Variants in PCDHGA9 observed in about 807,000 individuals in gnomAD.
The protein encoded by PCDHGA9 is protocadherin gamma subfamily A, 9, also known as protocadherin gamma-A9.
In PCDHGA9, 37 loss-of-function variants were observed where a neutral mutation model predicts 62.5. The observed-to-expected ratio is 0.59, with a 90% CI of 0.46 to 0.78. The LOEUF (loss-of-function observed/expected upper bound fraction) is 0.78. PCDHGA9 is among the 30% of genes least tolerant of loss of function. The pLI is 0.00. For synonymous variants in PCDHGA9, 459 were observed against 484.6 expected (o/e 0.95, Z 0.69); for missense variants, 1,138 against 1,166.2 (o/e 0.98, Z 0.35).
At chr5:141,410,445 T>A in intron 1 of PCDHGA9, 1 of 1,614,060 alleles carries the variant, frequency 6.2e-7, no homozygotes. Flanking sequence ...GAGGGGACTT[T>A]GCCTTATTCT....
rs373882091 is a variant in PCDHGA9 at position 141,432,369 on chromosome 5, A to T, written c.2424+26993A>T. 1.2e-6 allele frequency: 2 copies of T among 1,614,104 alleles called. No homozygotes were observed. Among genetic ancestry groups the T allele is most frequent in the African/African-American group, 2.7e-5 (2 of 74,938 alleles). On this transcript the variant is annotated intron_variant, in intron 1 of 3. Transcript: ENST00000573521. The surrounding 1 kb of genome is among the most constrained non-coding windows in gnomAD (Gnocchi z 6.0). Reference sequence around the variant, plus strand: ...CAAGTGAAAGTGATGGCGCGGGACAACGGGCACCCGCCCCTCAGCAGCAAC... The same window carrying T: ...CAAGTGAAAGTGATGGCGCGGGACATCGGGCACCCGCCCCTCAGCAGCAAC...
rs1248983040 is a variant in PCDHGA9, at chr5:141,476,937, G to T, written c.2425-17870G>T. 3.1e-6 allele frequency: 5 copies of T among 1,614,186 alleles called. No homozygotes were observed. Among genetic ancestry groups the T allele is most frequent in the Non-Finnish European group, 4.2e-6 (5 of 1,180,050 alleles). The stretch of plus-strand genomic sequence containing the variant: ...GTCCTTGCAACGGATCTGGATGAAG[G>T]CCCCAACGGTGAAATTATTTACTCC... On this transcript the variant is annotated intron_variant, in intron 1 of 3. Coordinates refer to ENST00000573521, the MANE Select transcript of PCDHGA9 (RefSeq NM_018921.3). This position sits in a 1 kb window ranked among gnomAD's most constrained non-coding sequence, Gnocchi z 7.6.
rs773474154 is a variant in PCDHGA9, at chr5:141,477,751, G to A, written c.2425-17056G>A. The A allele has an allele frequency of 5.0e-6, 8 of 1,613,712 alleles. No individual in the cohort carries two copies. The highest frequency in any genetic ancestry group is 6.8e-6 in the Non-Finnish European group (8 of 1,180,030). ...CTCATATCAGCGATGGGGGCACCCC[G>A]GTCCTAGCCACCAACATCAGCGTGA... On this transcript the variant is annotated intron_variant, in intron 1 of 3. Transcript: ENST00000573521. The surrounding 1 kb of genome is among the most constrained non-coding windows in gnomAD (Gnocchi z 4.9).
At chr5:141,405,407 C>A (rs1252757330) in intron 1 of PCDHGA9, 31 bp downstream of exon 1, 3 of 1,582,052 alleles carry the variant, frequency 1.9e-6, no homozygotes, top group Non-Finnish European at 2.6e-6. Flanking sequence ...TCTTTCTTTT[C>A]TTTTTTTGTT....
chr5:141,448,788 A>C (rs865953914), intron 1 of PCDHGA9, among the ~76,000 whole-genome samples: 3 of 151,964 alleles, frequency 2.0e-5, no homozygotes, highest in South Asian at 2.1e-4. Flanking sequence ...AAAATACAAA[A>C]AAAAAAATTA....
At chr5:141,435,665 A>C (rs1029846055) in intron 1 of PCDHGA9, among the ~76,000 whole-genome samples, 2 of 152,206 alleles carry the variant, frequency 1.3e-5, no homozygotes, top group African/African-American at 4.8e-5. Flanking sequence ...CACAGATTCC[A>C]AGTGTTTTCT....
rs768132114 is a variant in PCDHGA9 at position 141,489,845 on chromosome 5, G to A, written c.2425-4962G>A. 5 of 1,614,188 alleles carry A rather than the reference G, an allele frequency of 3.1e-6. No homozygotes were observed. The highest frequency in any genetic ancestry group is 2.2e-5 in the South Asian group (2 of 91,088). On this transcript the variant is annotated intron_variant, in intron 1 of 3. Transcript: ENST00000573521. This position sits in a 1 kb window ranked among gnomAD's most constrained non-coding sequence, Gnocchi z 4.5. ...CTGGTGCTAGAGCAGCAGCTGGATC[G>A]TGAAGCCCAGGCAAGACATCAGCTG...
In PCDHGA9 at chr5:141,486,432, G is replaced by T; in HGVS notation, c.2425-8375G>T. On this transcript the variant is annotated intron_variant, in intron 1 of 3. Coordinates refer to ENST00000573521, the MANE Select transcript of PCDHGA9 (RefSeq NM_018921.3). This position sits in a 1 kb window ranked among gnomAD's most constrained non-coding sequence, Gnocchi z 5.0. ...CCCTTGGATCGAGAGGCCAAATCTA[G>T]CTATGACATCATGGTCACTGCTTCT... 4 of 1,614,172 alleles carry T rather than the reference G, an allele frequency of 2.5e-6. No homozygotes were observed. Among genetic ancestry groups the T allele is most frequent in the Non-Finnish European group, 2.5e-6 (3 of 1,180,020 alleles).
Position 141,487,650 on chromosome 5 carries a change from G to T in PCDHGA9, c.2425-7157G>T, listed in dbSNP as rs772715932. The T allele has an allele frequency of 6.8e-6, 11 of 1,613,876 alleles. No individual in the cohort carries two copies. Among genetic ancestry groups the T allele is most frequent in the Admixed American group, 1.7e-5 (1 of 59,978 alleles). On this transcript the variant is annotated intron_variant, in intron 1 of 3. Coordinates refer to ENST00000573521, the MANE Select transcript of PCDHGA9 (RefSeq NM_018921.3). This position sits in a 1 kb window ranked among gnomAD's most constrained non-coding sequence, Gnocchi z 5.0. ...TTGCAGGCTCAACAAATGCTTGAGG[G>T]TTATTCTGATCCAGGCATATGGCTA...
intron 1 of PCDHGA9, chr5:141,423,967 A>T (rs760284844): frequency 5.2e-6 from 6 of 1,153,616 alleles, no homozygotes; most frequent in Non-Finnish European, 6.5e-6. Context: ...TTTTTCTATT[A>T]TCAGTGTATG....
chr5:141,484,004 G>C (rs1042457090), intron 1 of PCDHGA9, among the ~76,000 whole-genome samples: 5 of 146,164 alleles, frequency 3.4e-5, no homozygotes, highest in Non-Finnish European at 4.5e-5. Flanking sequence ...AGGTCTGGAT[G>C]AGGGTGGGGG....
chr5:141,492,303 G>A (rs969991314), intron 1 of PCDHGA9, among the ~76,000 whole-genome samples: 1 of 152,202 alleles, frequency 6.6e-6, no homozygotes, highest in African/African-American at 2.4e-5. Context: ...GCGGACGCAC[G>A]CACGCACTCC....
Position 141,512,931 on chromosome 5 carries a change from C to T in PCDHGA9, c.*1758C>T, listed in dbSNP as rs2099884512. On this transcript the variant is annotated 3_prime_UTR_variant, in exon 4 of 4. Transcript: ENST00000573521. ...GTTTTATACTCTAATATTTATATGG[C>T]TTTTTTTCTTCGACAAAAAAATAAT... The T allele has an allele frequency of 6.6e-6, 1 of 152,006 alleles. No homozygotes were observed. The highest frequency in any genetic ancestry group is 2.4e-5 in the African/African-American group (1 of 41,414). The allele number at this position is 152,006 out of a possible 1,614,324, so 9.4% of individuals were successfully genotyped here.
At chr5:141,505,616 C>T in intron 3 of PCDHGA9, 135 bp downstream of exon 3, 2 of 1,503,162 alleles carry the variant, frequency 1.3e-6, no homozygotes, top group South Asian at 1.3e-5. Flanking sequence ...CTGAAAGGAC[C>T]CACAATTCCA....
intron 1 of PCDHGA9, among the ~76,000 whole-genome samples, chr5:141,457,517 TTAA>T (rs1261688593): frequency 6.6e-6 from 1 of 152,196 alleles, no homozygotes; most frequent in Non-Finnish European, 1.5e-5. Flanking sequence ...TTAAAAACAA[TTAA>T]TGAGACTAGG....
intron 1 of PCDHGA9, among the ~76,000 whole-genome samples, chr5:141,443,728 C>A (rs1434984241): frequency 1.3e-5 from 2 of 152,060 alleles, no homozygotes; most frequent in African/African-American, 2.4e-5. Flanking sequence ...ATTCCTCATA[C>A]ATTTCCCTAT....
rs1057374827 is a variant in PCDHGA9, at chr5:141,485,503, C to G, written c.2425-9304C>G. 3.1e-6 allele frequency: 5 copies of G among 1,613,978 alleles called. No homozygotes were observed. Among genetic ancestry groups the G allele is most frequent in the Non-Finnish European group, 4.2e-6 (5 of 1,180,016 alleles). On this transcript the variant is annotated intron_variant, in intron 1 of 3. Coordinates refer to ENST00000573521, the MANE Select transcript of PCDHGA9 (RefSeq NM_018921.3). This position sits in a 1 kb window ranked among gnomAD's most constrained non-coding sequence, Gnocchi z 5.7. ...GCATCGTGCCCCTGGAGTTTGTCACCGAAGGTCCTTTGGAAATGTACCGAG... is the reference window on the plus strand; with the variant it reads ...GCATCGTGCCCCTGGAGTTTGTCACGGAAGGTCCTTTGGAAATGTACCGAG...
intron 1 of PCDHGA9, chr5:141,430,662 C>A: frequency 8.6e-7 from 1 of 1,169,068 alleles, no homozygotes; most frequent in Non-Finnish European, 1.2e-6. Context: ...AACGGAGGAG[C>A]TCTGACTTCC....
chr5:141,451,740 G>A (rs370710201), intron 1 of PCDHGA9, among the ~76,000 whole-genome samples: 1 of 152,108 alleles, frequency 6.6e-6, no homozygotes, highest in Non-Finnish European at 1.5e-5. Context: ...AAATTAGCTG[G>A]TCTGGTGGTG....
Sources: allele counts gnomAD v4.1 joint callset (sites outside exome capture counted in the v4.1 genomes callset), GRCh38; gene constraint gnomAD v4.1.1; non-coding constraint Gnocchi (gnomAD v3.1); transcripts MANE v1.5; gene names NCBI Gene and HGNC (gene_info 2026-07-23, HGNC 2026-07-21).